LARGE1: variants seen among roughly 807,000 people sequenced by gnomAD.
LARGE1 encodes xylosyl- and glucuronyltransferase LARGE1.
LARGE1 carries 43 observed loss-of-function variants against 87.6 expected under a neutral mutation model. That is an observed-to-expected ratio of 0.49 (90% CI 0.38 to 0.63). The LOEUF (loss-of-function observed/expected upper bound fraction) is 0.63, where lower values mean the gene tolerates loss of function less well. Among genes scored for constraint, LARGE1 ranks in the 30% least tolerant of loss-of-function variants. The pLI, the probability that LARGE1 is intolerant of heterozygous loss-of-function variation, is 0.00. For missense variants in LARGE1, 802 were observed against 1,000.2 expected (o/e 0.80, Z 2.67); for synonymous variants, 434 against 394.6 (o/e 1.10, Z -1.18).
chr22:33,100,299 G>A, the LARGE1 span, among the ~76,000 whole-genome samples: 7 of 127,574 alleles, frequency 5.5e-5, no homozygotes, highest in African/African-American at 2.1e-4. Context: ...AGTGAGCCGA[G>A]ATATTGCGCC....
chr22:33,326,596 C>T (rs911568870), intron 10 of LARGE1, among the ~76,000 whole-genome samples: 2 of 152,186 alleles, frequency 1.3e-5, no homozygotes, highest in Admixed American at 1.3e-4. Flanking sequence ...CACCAGGAAT[C>T]CCACAGCTGG....
chr22:33,317,914 G>A (rs752047210), intron 10 of LARGE1, among the ~76,000 whole-genome samples: 2 of 152,078 alleles, frequency 1.3e-5, no homozygotes, highest in Non-Finnish European at 1.5e-5. Context: ...GTGCACTTTC[G>A]TGAAAATTCA....
At chr22:33,262,310 C>T (rs1444911915) in intron 11 of LARGE1, among the ~76,000 whole-genome samples, 1 of 152,176 alleles carries the variant, frequency 6.6e-6, no homozygotes, top group Non-Finnish European at 1.5e-5. Flanking sequence ...CCTTTGATTT[C>T]AGTCAAACCC....
chr22:33,786,597 C>A (rs1270230801), intron 1 of LARGE1, among the ~76,000 whole-genome samples: 1 of 152,206 alleles, frequency 6.6e-6, no homozygotes, highest in Non-Finnish European at 1.5e-5. Flanking sequence ...AATTCTCCTC[C>A]CTTCAGAGCC....
At chr22:33,342,608 A>G (rs1244311760) in intron 9 of LARGE1, among the ~76,000 whole-genome samples, 1 of 152,170 alleles carries the variant, frequency 6.6e-6, no homozygotes, top group Non-Finnish European at 1.5e-5. Context: ...CAGAGAAATG[A>G]GTCTGCCCAA....
At chr22:33,514,495 C>T (rs1055638703) in intron 6 of LARGE1, among the ~76,000 whole-genome samples, 2 of 152,064 alleles carry the variant, frequency 1.3e-5, no homozygotes, top group Admixed American at 6.6e-5. Context: ...GAAAGTAACA[C>T]AAAATTTAAA....
chr22:33,809,154 C>T (rs1478761263), intron 1 of LARGE1, among the ~76,000 whole-genome samples: 1 of 152,004 alleles, frequency 6.6e-6, no homozygotes, highest in African/African-American at 2.4e-5. Flanking sequence ...TGCCTGTAAT[C>T]CCAGCTACTC....
At chr22:33,757,656 A>C (rs538926230) in intron 2 of LARGE1, among the ~76,000 whole-genome samples, 1 of 152,298 alleles carries the variant, frequency 6.6e-6, no homozygotes, top group South Asian at 2.1e-4. Flanking sequence ...CATTGATATT[A>C]AACAGAGTCA....
chr22:33,446,204 G>C (rs1407478206), intron 6 of LARGE1, among the ~76,000 whole-genome samples: 1 of 152,186 alleles, frequency 6.6e-6, no homozygotes, highest in Non-Finnish European at 1.5e-5. Context: ...TCCAGGTCTG[G>C]GAGGATGGTA....
At chr22:33,534,760 T>C (rs1213119182) in intron 6 of LARGE1, among the ~76,000 whole-genome samples, 1 of 152,092 alleles carries the variant, frequency 6.6e-6, no homozygotes, top group Non-Finnish European at 1.5e-5. Context: ...CCAGGTGAGG[T>C]TGCAATGCTG....
chr22:33,101,326 G>C, the LARGE1 span, among the ~76,000 whole-genome samples: 819 of 152,192 alleles, frequency 5.4e-3, 4 homozygotes, highest in African/African-American at 0.019. Context: ...GTGTGAACTT[G>C]AGCAAGTCAC....
chr22:33,793,098 T>C (rs369078512), intron 1 of LARGE1, among the ~76,000 whole-genome samples: 1 of 152,236 alleles, frequency 6.6e-6, no homozygotes, highest in African/African-American at 2.4e-5. Context: ...ATTTATGAGA[T>C]GTTTACCACA....
intron 9 of LARGE1, among the ~76,000 whole-genome samples, chr22:33,377,201 T>G (rs2065019009): frequency 6.6e-6 from 1 of 152,182 alleles, no homozygotes; most frequent in Non-Finnish European, 1.5e-5. Flanking sequence ...TCCACAAGTG[T>G]CTGATAACAA....
chr22:33,814,301 G>A (rs1270060327), intron 1 of LARGE1, among the ~76,000 whole-genome samples: 1 of 152,118 alleles, frequency 6.6e-6, no homozygotes, highest in Non-Finnish European at 1.5e-5. Context: ...AGCAAATGAT[G>A]CTTTTCCAAC....
chr22:33,371,612 T>C (rs1012914020), intron 9 of LARGE1, among the ~76,000 whole-genome samples: 1 of 152,220 alleles, frequency 6.6e-6, no homozygotes, highest in Non-Finnish European at 1.5e-5. Context: ...GAAATGATGA[T>C]TCGCTTTGTG....
intron 6 of LARGE1, among the ~76,000 whole-genome samples, chr22:33,479,633 T>C (rs2069225265): frequency 6.6e-6 from 1 of 152,086 alleles, no homozygotes; most frequent in South Asian, 2.1e-4. Flanking sequence ...CACCAACAAA[T>C]CAAATTGCTC....
At chr22:33,313,508 C>T (rs1223558008) in intron 11 of LARGE1, among the ~76,000 whole-genome samples, 3 of 152,230 alleles carry the variant, frequency 2.0e-5, no homozygotes, top group Non-Finnish European at 4.4e-5. Context: ...TGTTATCGCC[C>T]TCTTGGGTGT....
intron 10 of LARGE1, among the ~76,000 whole-genome samples, chr22:33,324,732 C>T (rs180869410): frequency 6.6e-6 from 1 of 152,310 alleles, no homozygotes; most frequent in Admixed American, 6.5e-5. Context: ...GCCTTAGAGA[C>T]TTCTGTTCAC....
chr22:33,427,315 T>A (rs2066913274), intron 7 of LARGE1, among the ~76,000 whole-genome samples: 1 of 152,210 alleles, frequency 6.6e-6, no homozygotes, highest in East Asian at 1.9e-4. Flanking sequence ...TGCCTGGTTA[T>A]CCATCCGAAG....
Sources: gnomAD v4.1 joint callset for allele counts (sites outside exome capture counted in the v4.1 genomes callset) on GRCh38, gnomAD v4.1.1 for gene constraint, MANE v1.5 for transcripts, NCBI Gene and HGNC (gene_info 2026-07-23, HGNC 2026-07-21) for gene names.